Variants in SNAP91 observed in about 807,000 individuals in gnomAD.
SNAP91 encodes the protein clathrin coat assembly protein AP180.
Under a neutral mutation model 100.3 loss-of-function variants are expected in SNAP91, and 27 were observed. That is an observed-to-expected ratio of 0.27 (90% CI 0.20 to 0.37). The LOEUF is 0.37. Among genes scored for constraint, SNAP91 ranks in the 10% least tolerant of loss-of-function variants. The probability of loss-of-function intolerance (pLI) is 1.00; values close to 1 mark genes in which losing one functional copy is unlikely to be tolerated. For missense variants in SNAP91, 986 were observed against 1,123.7 expected (o/e 0.88, Z 1.75); for synonymous variants, 404 against 398.6 (o/e 1.01, Z -0.16).
At position 83,593,568 on chromosome 6, in the gene SNAP91, T is replaced by G. The variant is rs769873159; in HGVS notation, c.1606A>C (p.Thr536Pro). ...GTGGCAGCGGCGGTGGCAGCAGTAGTGGCAGCAGCAGCAGCTGCAACGGCA... is the reference window on the plus strand; with the variant it reads ...GTGGCAGCGGCGGTGGCAGCAGTAGGGGCAGCAGCAGCAGCTGCAACGGCA... Reference protein sequence around the residue: ...APAVAAAAAATTAATAAATTT... With the variant: ...APAVAAAAAAPTAATAAATTT... Residue 536 changes from threonine to proline, a missense_variant, in exon 18 of 30, where the codon ACT (threonine) becomes CCT (proline). Physicochemically the swap from Thr to Pro is conservative, Grantham distance 38. This residue lies in a region of SNAP91 where 575 missense variants were observed against 579.9 expected (regional missense o/e 0.99). Coordinates refer to ENST00000369694, the MANE Select transcript of SNAP91 (RefSeq NM_001242792.2). 6.4e-7 allele frequency: 1 copy of G among 1,556,420 alleles called. No homozygotes were observed.
chr6:83,694,859 CAACACAACAG>C (rs1333415976), intron 2 of SNAP91, among the ~76,000 whole-genome samples: 1 of 152,072 alleles, frequency 6.6e-6, no homozygotes, highest in African/African-American at 2.4e-5. Context: ...TGTAACCTGC[CAACACAACAG>C]TCATGACTAA....
chr6:83,611,454 T>C, intron 11 of SNAP91: 1 of 455,916 alleles, frequency 2.2e-6, no homozygotes, highest in Non-Finnish European at 4.4e-6. Flanking sequence ...CTAACTTCAG[T>C]TAGTGAAAAA....
intron 7 of SNAP91, among the ~76,000 whole-genome samples, chr6:83,645,855 C>T (rs2097897375): frequency 6.6e-6 from 1 of 152,060 alleles, no homozygotes; most frequent in African/African-American, 2.4e-5. Flanking sequence ...CCACTAAACA[C>T]CAATGATCTT....
Position 83,576,051 on chromosome 6 carries a change from G to T in SNAP91, c.2302C>A (p.Leu768Ile). ...TTTGTTGTGGTACCAGAAATTCCAA[G>T]ATCTATAAATGGATAAAAGAAAAAA... The part of the protein sequence containing the change: ...DSSLASLVGN[L>I]GISGTTTKKG... The change falls in exon 25 of 30, where the codon CTT (leucine) becomes ATT (isoleucine). Residue 768 changes from leucine (L) to isoleucine (I), a missense_variant and splice_region_variant. Leu to Ile is a conservative substitution (Grantham distance 5). Coordinates refer to ENST00000369694, the MANE Select transcript of SNAP91 (RefSeq NM_001242792.2). 7.2e-7 allele frequency: 1 copy of T among 1,387,126 alleles called. No homozygotes were observed. The highest frequency in any genetic ancestry group is 9.9e-7 in the Non-Finnish European group (1 of 1,012,732). The allele number at this position is 1,387,126 out of a possible 1,614,324, so 85.9% of individuals were successfully genotyped here.
intron 2 of SNAP91, among the ~76,000 whole-genome samples, chr6:83,685,267 G>A (rs996446240): frequency 1.3e-5 from 2 of 152,172 alleles, no homozygotes; most frequent in Non-Finnish European, 2.9e-5. Flanking sequence ...ACACCTGACA[G>A]TTCAGGGGTC....
chr6:83,669,652 TCTC>T (rs1235322106), intron 2 of SNAP91, among the ~76,000 whole-genome samples: 2 of 151,968 alleles, frequency 1.3e-5, no homozygotes, highest in Admixed American at 1.3e-4. Flanking sequence ...CTCTTTCTCT[TCTC>T]CTGCTGTCCC....
intron 16 of SNAP91, among the ~76,000 whole-genome samples, chr6:83,595,528 A>G (rs1032925309): frequency 6.6e-6 from 1 of 152,172 alleles, no homozygotes; most frequent in Non-Finnish European, 1.5e-5. Context: ...TAGAGATGCT[A>G]TAGTTTCAAA....
At position 83,708,853 on chromosome 6, in the gene SNAP91, T is replaced by A. The variant is rs2099416492; in HGVS notation, c.-39A>T. The A allele has an allele frequency of 6.6e-6, 1 of 151,838 alleles. No individual in the cohort carries two copies. The highest frequency in any genetic ancestry group is 2.4e-5 in the African/African-American group (1 of 41,334). The allele number at this position is 151,838 out of a possible 1,614,324, so 9.4% of individuals were successfully genotyped here. On this transcript the variant is annotated 5_prime_UTR_variant, in exon 1 of 30. Transcript: ENST00000369694. Reference sequence around the variant, plus strand: ...CGGCCGCGGGTACTCACCCCGCCCCTGAGCGGCGCCGCCCGCCGCAGGATG... The same window carrying A: ...CGGCCGCGGGTACTCACCCCGCCCCAGAGCGGCGCCGCCCGCCGCAGGATG...
chr6:83,629,661 A>G (rs977549524), intron 8 of SNAP91, among the ~76,000 whole-genome samples: 3 of 151,888 alleles, frequency 2.0e-5, no homozygotes, highest in African/African-American at 4.8e-5. Flanking sequence ...TGCTTGGTCA[A>G]TGTTGGTGTA....
chr6:83,679,999 T>A (rs768525606), intron 2 of SNAP91, among the ~76,000 whole-genome samples: 2 of 152,140 alleles, frequency 1.3e-5, no homozygotes, highest in Admixed American at 6.6e-5. Context: ...ATATACTCAA[T>A]TATTAACAGC....
chr6:83,652,332 A>G (rs1478349508), intron 7 of SNAP91, among the ~76,000 whole-genome samples: 1 of 151,948 alleles, frequency 6.6e-6, no homozygotes, highest in African/African-American at 2.4e-5. Context: ...ACTTTATAAG[A>G]TTCCATTTTC....
At chr6:83,649,241 G>A (rs956573141) in intron 7 of SNAP91, among the ~76,000 whole-genome samples, 2 of 152,200 alleles carry the variant, frequency 1.3e-5, no homozygotes. Flanking sequence ...ACCTCATGAA[G>A]TTATAGTCAA....
chr6:83,700,491 A>G lies in SNAP91; in HGVS notation c.130+7307T>C, dbSNP rs552406697. On this transcript the variant is annotated intron_variant, in intron 2 of 29. Coordinates refer to ENST00000369694, the MANE Select transcript of SNAP91 (RefSeq NM_001242792.2). ...GTTCTGAGCTGGGTATTTTACATGC[A>G]TTATCTTATGCATTACTCACTAAAA... is the stretch of plus-strand genomic sequence containing the variant. 7.2e-5 allele frequency among the ~76,000 whole-genome samples: 11 copies of G among 152,040 alleles called. No individual in the cohort carries two copies. In the East Asian group the frequency reaches 1.9e-3, roughly 27 times the overall value.
Position 83,665,526 on chromosome 6 carries a change from A to C in SNAP91, c.186T>G (p.Thr62=), listed in dbSNP as rs1380137830. 1 of 1,612,800 alleles carries C rather than the reference A, an allele frequency of 6.2e-7. No individual in the cohort carries two copies. The highest frequency in any genetic ancestry group is 1.3e-5 in the African/African-American group (1 of 74,812). Residue 62 remains threonine, a synonymous_variant, in exon 3 of 30, where the codon ACT becomes ACG. Coordinates refer to ENST00000369694, the MANE Select transcript of SNAP91 (RefSeq NM_001242792.2). ...TACTGTTTGTTGCCCGCTCAAAGAGAGTGTCGGCCATCTGAGGAATATTAA... is the reference window on the plus strand; with the variant it reads ...TACTGTTTGTTGCCCGCTCAAAGAGCGTGTCGGCCATCTGAGGAATATTAA... ...TNVNIPQMAD[T]LFERATNSSW... is the part of the protein sequence containing the mutation.
chr6:83,708,298 G>C (rs2129092655), intron 1 of SNAP91: 1 of 211,318 alleles, frequency 4.7e-6, no homozygotes, highest in South Asian at 1.0e-4. Context: ...GCGGGTGCTG[G>C]ACTAGCCACA....
At chr6:83,668,470 C>T (rs1157527609) in intron 2 of SNAP91, among the ~76,000 whole-genome samples, 1 of 152,058 alleles carries the variant, frequency 6.6e-6, no homozygotes, top group East Asian at 1.9e-4. Context: ...GAAAATGTGG[C>T]ACATATACAC....
At chr6:83,605,294 A>C (rs1213493737) in intron 14 of SNAP91, among the ~76,000 whole-genome samples, 1 of 152,166 alleles carries the variant, frequency 6.6e-6, no homozygotes, top group Non-Finnish European at 1.5e-5. Flanking sequence ...TGACCAAACC[A>C]AATTGGAAAT....
intron 8 of SNAP91, among the ~76,000 whole-genome samples, chr6:83,623,994 T>G (rs1290793595): frequency 2.6e-5 from 4 of 152,130 alleles, no homozygotes; most frequent in African/African-American, 7.2e-5. Flanking sequence ...TGTCCTATAT[T>G]TAATTAGTAA....
At chr6:83,654,073 T>C (rs9449678) in intron 7 of SNAP91, among the ~76,000 whole-genome samples, 4,181 of 152,302 alleles carry the variant, frequency 0.027, 196 homozygotes, top group African/African-American at 0.093. Flanking sequence ...AGGAGCCTAG[T>C]TGAGCTCCTG....
Sources: gnomAD v4.1 joint callset for allele counts (sites outside exome capture counted in the v4.1 genomes callset) on GRCh38, gnomAD v4.1.1 for gene constraint, gnomAD v4.1.1 regional missense constraint, MANE v1.5 for transcripts, NCBI Gene and HGNC (gene_info 2026-07-23, HGNC 2026-07-21) for gene names.